Variants in UAP1 observed in about 807,000 individuals in gnomAD.
UAP1 encodes UDP-N-acetylglucosamine pyrophosphorylase 1.
In UAP1, 25 loss-of-function variants were observed where a neutral mutation model predicts 58.5. The ratio of observed to expected loss-of-function variants is 0.43; its 90% CI spans 0.31 to 0.60. The LOEUF (loss-of-function observed/expected upper bound fraction) is 0.60. Ranked by LOEUF, UAP1 falls within the 20% of genes least tolerant of loss-of-function variation. The pLI, the probability that UAP1 is intolerant of heterozygous loss-of-function variation, is 0.11. For synonymous variants in UAP1, 208 were observed against 213.0 expected, an observed-to-expected ratio of 0.98 and a Z score of 0.21; for missense variants, 575 against 630.0, an observed-to-expected ratio of 0.91 and a Z score of 0.93.
intron 2 of UAP1, among the ~76,000 whole-genome samples, chr1:162,566,679 T>A (rs1241194319): frequency 6.6e-6 from 1 of 151,790 alleles, no homozygotes; most frequent in Non-Finnish European, 1.5e-5. Context: ...CAGGCTGGAG[T>A]GCAGTGGGGC....
At chr1:162,570,104 G>T (rs1007866240) in intron 2 of UAP1, among the ~76,000 whole-genome samples, 1 of 150,786 alleles carries the variant, frequency 6.6e-6, no homozygotes, top group Non-Finnish European at 1.5e-5. Context: ...AGCCAAGATC[G>T]TGCCACTGTA....
exon 8 of UAP1, chr1:162,590,381 G>A (rs758099305): frequency 1.2e-6 from 2 of 1,613,550 alleles, no homozygotes; most frequent in Non-Finnish European, 1.7e-6. Context: ...AAAGAATGCT[G>A]ATAGTCAGAA....
At chr1:162,574,314 A>C (rs1654046184) in intron 2 of UAP1, among the ~76,000 whole-genome samples, 1 of 151,974 alleles carries the variant, frequency 6.6e-6, no homozygotes, top group Non-Finnish European at 1.5e-5. Flanking sequence ...GCTGGTCTTG[A>C]ACTCCTGACC....
chr1:162,568,430 C>T (rs531392563), intron 2 of UAP1, among the ~76,000 whole-genome samples: 4 of 152,150 alleles, frequency 2.6e-5, no homozygotes, highest in Admixed American at 2.6e-4. Context: ...GTAGTTCTGC[C>T]TTTTTCTGTT....
intron 10 of UAP1, among the ~76,000 whole-genome samples, chr1:162,598,659 T>G (rs1173454552): frequency 2.6e-5 from 4 of 152,220 alleles, no homozygotes; most frequent in Non-Finnish European, 5.9e-5. Context: ...ATGTAATATT[T>G]TTCCTGGAGA....
At chr1:162,562,490 G>A (rs1403832579) in intron 1 of UAP1, 2 of 151,810 alleles carry the variant, frequency 1.3e-5, no homozygotes, top group Non-Finnish European at 2.9e-5. Flanking sequence ...GTATTGGAGG[G>A]CTGAGCACAC....
exon 5 of UAP1, chr1:162,581,343 G>A (rs1338013694): frequency 1.2e-6 from 2 of 1,614,106 alleles, no homozygotes; most frequent in Non-Finnish European, 1.7e-6. Context: ...GGAGGATATG[G>A]AGCAAAGAGG....
chr1:162,587,286 C>T (rs991317192), intron 5 of UAP1, among the ~76,000 whole-genome samples, 189 bp from the exon 6 acceptor site: 4 of 152,134 alleles, frequency 2.6e-5, no homozygotes, highest in Admixed American at 2.0e-4. Context: ...TAATATACCT[C>T]ATTTCCAGTT....
At chr1:162,562,828 A>G (rs532767997) in intron 1 of UAP1, among the ~76,000 whole-genome samples, 129 of 152,174 alleles carry the variant, frequency 8.5e-4, no homozygotes, top group Admixed American at 3.0e-3. Context: ...GTTTTTCAAA[A>G]GCTTTAAGAG....
chr1:162,565,461 C>T (rs59601690), intron 1 of UAP1, among the ~76,000 whole-genome samples: 1 of 152,162 alleles, frequency 6.6e-6, no homozygotes, highest in East Asian at 1.9e-4. Context: ...GCAGAAGTTG[C>T]TAATGAAATG....
chr1:162,589,177 T>A (rs1318259744), intron 7 of UAP1, among the ~76,000 whole-genome samples: 29 of 90,706 alleles, frequency 3.2e-4, no homozygotes, highest in African/African-American at 6.7e-4. Context: ...ATATAAATAT[T>A]ATATATAATA....
In UAP1 at chr1:162,565,945, A is replaced by G. The variant is rs1653460428; in HGVS notation, c.-57-67A>G. The G allele has an allele frequency of 9.4e-6, 9 of 955,968 alleles. No homozygotes were observed. In the South Asian group the frequency reaches 1.4e-4, roughly 15 times the overall value. The allele number at this position is 955,968 out of a possible 1,614,324, so 59.2% of individuals were successfully genotyped here. The stretch of plus-strand genomic sequence containing the variant: ...CGTTTTGAAATATTCTTATTTTTAG[A>G]GGGGAAAAAAGCCCTCAATTTTGGA... On this transcript the variant is annotated intron_variant, in intron 1 of 10. Coordinates refer to ENST00000271469, the Ensembl canonical transcript of UAP1.
chr1:162,586,414 C>T (rs1571081135), intron 5 of UAP1, among the ~76,000 whole-genome samples: 1 of 152,244 alleles, frequency 6.6e-6, no homozygotes, highest in East Asian at 1.9e-4. Context: ...GTAGCCTCAA[C>T]CTCCCCAGAC....
At chr1:162,566,460 G>A in intron 2 of UAP1, 112 bp downstream of exon 2, 1 of 1,129,584 alleles carries the variant, frequency 8.9e-7, no homozygotes, top group Admixed American at 3.0e-5. Context: ...TAAACCAGGT[G>A]ACCTAGCAGA....
chr1:162,581,899 G>A (rs1276276480), intron 5 of UAP1, among the ~76,000 whole-genome samples: 4 of 152,136 alleles, frequency 2.6e-5, no homozygotes, highest in African/African-American at 9.7e-5. Context: ...ATAGAAATAT[G>A]CAAGTTGGGC....
intron 7 of UAP1, among the ~76,000 whole-genome samples, chr1:162,590,095 C>T (rs564306627): frequency 3.4e-4 from 51 of 150,570 alleles, no homozygotes; most frequent in Middle Eastern, 6.9e-3. Flanking sequence ...CTAATCTTTC[C>T]GACTTAAGAT....
chr1:162,567,627 A>G (rs1055587185), intron 2 of UAP1, among the ~76,000 whole-genome samples: 1 of 152,088 alleles, frequency 6.6e-6, no homozygotes, highest in African/African-American at 2.4e-5. Flanking sequence ...TCTGGGCCTC[A>G]TTTTCTCAAC....
exon 2 of UAP1, chr1:162,566,134 G>C (rs1653479650): frequency 1.2e-6 from 2 of 1,613,308 alleles, no homozygotes; most frequent in Non-Finnish European, 8.5e-7. Context: ...TACGTTTCTG[G>C]AATGAGCTTG....
intron 2 of UAP1, among the ~76,000 whole-genome samples, chr1:162,572,120 C>G (rs1445451526): frequency 6.6e-6 from 1 of 152,190 alleles, no homozygotes; most frequent in Non-Finnish European, 1.5e-5. Context: ...TAGTGTACAT[C>G]TGATTGGCAT....
Sources: gnomAD v4.1 joint callset for allele counts (sites outside exome capture counted in the v4.1 genomes callset) on GRCh38, gnomAD v4.1.1 for gene constraint, MANE v1.5 for transcripts, NCBI Gene and HGNC (gene_info 2026-07-23, HGNC 2026-07-21) for gene names.